The following NLGN4Y variants were observed in gnomAD, a reference collection of about 807,000 sequenced individuals.
NLGN4Y encodes neuroligin-4, Y-linked.
A neutral mutation model predicts 8.4 loss-of-function variants in NLGN4Y; 4 were observed. That is an observed-to-expected ratio of 0.48 (90% CI 0.23 to 1.09). The LOEUF is 1.09. NLGN4Y is among the 50% of genes least tolerant of loss of function. The probability of loss-of-function intolerance (pLI) is 0.19; values close to 1 mark genes in which losing one functional copy is unlikely to be tolerated. For missense variants in NLGN4Y, 90 were observed against 192.3 expected, an observed-to-expected ratio of 0.47 and a Z score of 3.15; for synonymous variants, 35 against 75.6, an observed-to-expected ratio of 0.46 and a Z score of 2.78.
chrY:14,569,712 G>A (rs2080263388), intron 1 of NLGN4Y, among the ~76,000 whole-genome samples: 1 of 33,486 alleles, frequency 3.0e-5, no homozygotes, highest in African/African-American at 1.2e-4. Context: ...CCATAGTAGC[G>A]TAAATATTTT....
chrY:14,788,846 T>C, intron 4 of NLGN4Y, among the ~76,000 whole-genome samples: 2 of 33,108 alleles, frequency 6.0e-5, no homozygotes. Flanking sequence ...GTGGACAGAC[T>C]CCTTACAACT....
At chrY:14,613,154 A>T in intron 1 of NLGN4Y, among the ~76,000 whole-genome samples, 1 of 32,418 alleles carries the variant, frequency 3.1e-5, no homozygotes, top group South Asian at 7.4e-4. Context: ...CACCACATTC[A>T]AGTGTCCCAG....
At chrY:14,707,232 C>G in intron 2 of NLGN4Y, among the ~76,000 whole-genome samples, 1 of 24,070 alleles carries the variant, frequency 4.2e-5, no homozygotes, top group African/African-American at 1.6e-4. Flanking sequence ...GCTCTGTAAT[C>G]CAGGCTATAG....
chrY:14,742,904 A>T, intron 4 of NLGN4Y, among the ~76,000 whole-genome samples: 1 of 32,278 alleles, frequency 3.1e-5, no homozygotes, highest in East Asian at 8.0e-4. Flanking sequence ...TTACATATAA[A>T]TATTTATATT....
At chrY:14,780,753 G>A (rs2042941523) in intron 4 of NLGN4Y, among the ~76,000 whole-genome samples, 1 of 33,503 alleles carries the variant, frequency 3.0e-5, no homozygotes, top group Non-Finnish European at 7.4e-5. Flanking sequence ...CTGGTGTCCA[G>A]AACTGTGATC....
intron 2 of NLGN4Y, among the ~76,000 whole-genome samples, chrY:14,663,583 T>A: frequency 3.0e-5 from 1 of 33,146 alleles, no homozygotes; most frequent in Non-Finnish European, 7.4e-5. Context: ...TCCTGAAAAG[T>A]ACATCTGAGG....
intron 2 of NLGN4Y, among the ~76,000 whole-genome samples, chrY:14,667,527 G>A (rs113384764): frequency 9.0e-5 from 3 of 33,229 alleles, no homozygotes; most frequent in African/African-American, 3.5e-4. Context: ...CCCTTGGCAA[G>A]TTTGTACTTT....
At chrY:14,746,635 G>A (rs2081024960) in intron 4 of NLGN4Y, among the ~76,000 whole-genome samples, 1 of 33,066 alleles carries the variant, frequency 3.0e-5, no homozygotes, top group African/African-American at 1.2e-4. Context: ...TGAGTTTGAA[G>A]GGTGTTAATG....
Position 14,566,827 on chromosome Y carries a change from C to A in NLGN4Y, c.-112+42119C>A, listed in dbSNP as rs199660892. Among the ~76,000 whole-genome samples, 58 of 33,256 alleles carry A rather than the reference C, an allele frequency of 1.7e-3. No homozygotes were observed. In the East Asian group the frequency reaches 0.049, roughly 28 times the overall value. 89.2% of individuals were successfully genotyped at this position (33,256 alleles called of 37,273 possible). A position where few individuals can be genotyped will look rare whatever the true frequency, so the allele number is the denominator to read the frequency against. On this transcript the variant is annotated intron_variant, in intron 1 of 6. Transcript: ENST00000684976. Reference sequence around the variant, plus strand: ...CCAAATCAACAGAATATACATTCTTCTCAGCACCACATCACACTTATTCTA... The same window carrying A: ...CCAAATCAACAGAATATACATTCTTATCAGCACCACATCACACTTATTCTA...
chrY:14,569,785 G>GT (rs2080263854), intron 1 of NLGN4Y, among the ~76,000 whole-genome samples: 2 of 32,545 alleles, frequency 6.1e-5, no homozygotes, highest in East Asian at 8.0e-4. Context: ...CTTTTGTTGG[G>GT]TTTTTTTTGT....
chrY:14,610,791 T>C (rs2080464780), intron 1 of NLGN4Y, among the ~76,000 whole-genome samples: 1 of 32,596 alleles, frequency 3.1e-5, no homozygotes, highest in Non-Finnish European at 7.5e-5. Context: ...CTGTCTAATA[T>C]TGACAGTGTT....
At chrY:14,711,025 C>T in intron 2 of NLGN4Y, among the ~76,000 whole-genome samples, 5 of 33,573 alleles carry the variant, frequency 1.5e-4, no homozygotes, top group Non-Finnish European at 3.7e-4. Flanking sequence ...AAACAATAAG[C>T]ACTTACTACT....
chrY:14,582,416 A>C (rs2150486884), intron 1 of NLGN4Y, among the ~76,000 whole-genome samples: 2 of 32,878 alleles, frequency 6.1e-5, no homozygotes, highest in Admixed American at 2.8e-4. Flanking sequence ...GGCTGCAGTG[A>C]GCTGTGATCC....
At chrY:14,654,322 G>T in intron 2 of NLGN4Y, among the ~76,000 whole-genome samples, 3 of 32,122 alleles carry the variant, frequency 9.3e-5, no homozygotes, top group African/African-American at 3.6e-4. Context: ...AAAATTTTTA[G>T]TCTCTTCCTG....
chrY:14,837,338 C>G (rs745681988), intron 6 of NLGN4Y, among the ~76,000 whole-genome samples: 4 of 33,402 alleles, frequency 1.2e-4, no homozygotes, highest in African/African-American at 4.7e-4. Context: ...GATCATAGTA[C>G]TATATCCATC....
chrY:14,751,077 T>C (rs909329202), intron 4 of NLGN4Y, among the ~76,000 whole-genome samples: 1 of 33,882 alleles, frequency 3.0e-5, no homozygotes, highest in African/African-American at 1.2e-4. Context: ...AATTCTGTTT[T>C]ATAAAATTCT....
chrY:14,680,031 C>T (rs1603502647), intron 2 of NLGN4Y, among the ~76,000 whole-genome samples: 3 of 33,494 alleles, frequency 9.0e-5, no homozygotes, highest in East Asian at 1.6e-3. Context: ...TTAGTATGTA[C>T]GAGATTAAAC....
At chrY:14,553,283 A>C (rs1603499487) in intron 1 of NLGN4Y, among the ~76,000 whole-genome samples, 2 of 33,561 alleles carry the variant, frequency 6.0e-5, no homozygotes, top group South Asian at 1.3e-3. Context: ...GGACACAAAC[A>C]AATGGAAGAA....
chrY:14,538,155 A>G, intron 1 of NLGN4Y, among the ~76,000 whole-genome samples: 2 of 33,690 alleles, frequency 5.9e-5, no homozygotes, highest in Non-Finnish European at 1.5e-4. Flanking sequence ...AAATAGAATT[A>G]CAGATTATTA....
Sources: gnomAD v4.1 joint callset for allele counts (sites outside exome capture counted in the v4.1 genomes callset) on GRCh38, gnomAD v4.1.1 for gene constraint, MANE v1.5 for transcripts, NCBI Gene and HGNC (gene_info 2026-07-23, HGNC 2026-07-21) for gene names.